MAP4K5: variants seen among roughly 807,000 people sequenced by gnomAD.
MAP4K5 encodes mitogen-activated protein kinase kinase kinase kinase 5.
Under a neutral mutation model 135.6 loss-of-function variants are expected in MAP4K5, and 82 were observed. The observed-to-expected ratio is 0.60, with a 90% CI of 0.51 to 0.73. The LOEUF is 0.73. Ranked by LOEUF, MAP4K5 falls within the 30% of genes least tolerant of loss-of-function variation. MAP4K5 has a pLI of 0.00. For missense variants in MAP4K5, 907 were observed against 1,010.9 expected (o/e 0.90, Z 1.39); for synonymous variants, 347 against 335.0 (o/e 1.04, Z -0.39).
intron 21 of MAP4K5, among the ~76,000 whole-genome samples, 167 bp from the exon 22 acceptor site, chr14:50,440,608 CTTTCT>C (rs2036205363): frequency 6.6e-6 from 1 of 151,996 alleles, no homozygotes; most frequent in South Asian, 2.1e-4. Context: ...TCCCCAATTC[CTTTCT>C]TATTTTTTAA....
chr14:50,525,707 C>T (rs746022728), intron 2 of MAP4K5, among the ~76,000 whole-genome samples: 17 of 152,024 alleles, frequency 1.1e-4, no homozygotes, highest in Admixed American at 2.0e-4. Context: ...ATTAACTGGG[C>T]ATGGCAGTGT....
chr14:50,422,915 T>A (rs975605844), intron 32 of MAP4K5, among the ~76,000 whole-genome samples: 8 of 152,210 alleles, frequency 5.3e-5, no homozygotes, highest in Admixed American at 3.9e-4. Flanking sequence ...TAACTGTCTC[T>A]AGAATAACAA....
intron 15 of MAP4K5, 78 bp downstream of exon 15, chr14:50,448,696 T>C (rs2036413862): frequency 1.3e-6 from 1 of 768,738 alleles, no homozygotes; most frequent in South Asian, 1.8e-5. Flanking sequence ...CTTTGTTTTC[T>C]AATCAAAGTA....
chr14:50,499,244 A>T (rs1222176327), intron 3 of MAP4K5, among the ~76,000 whole-genome samples: 1 of 152,224 alleles, frequency 6.6e-6, no homozygotes, highest in Non-Finnish European at 1.5e-5. Context: ...AAAAGAGTAC[A>T]GGAAAATTAA....
At chr14:50,554,200 A>G (rs535379794) in intron 1 of MAP4K5, among the ~76,000 whole-genome samples, 11 of 152,286 alleles carry the variant, frequency 7.2e-5, no homozygotes, top group African/African-American at 2.4e-4. Flanking sequence ...CAGTGTCACA[A>G]ATGTTTTAAA....
In MAP4K5 at chr14:50,531,945, A is replaced by G. The variant is rs775654852; in HGVS notation, c.105T>C (p.Tyr35=). ...AAGCACGGCCAGCCTCACTTACCTTATAGACGTCCCCGTAGGTGCCGCTGC... is the reference window on the plus strand; with the variant it reads ...AAGCACGGCCAGCCTCACTTACCTTGTAGACGTCCCCGTAGGTGCCGCTGC... ...RVGSGTYGDV[Y]KARNVHTGEL... The change falls in exon 2 of 33, where the codon TAT becomes TAC. Residue 35 remains tyrosine, a synonymous_variant. Transcript: ENST00000682126. 1 of 1,594,176 alleles carries G rather than the reference A, an allele frequency of 6.3e-7. No individual in the cohort carries two copies. Among genetic ancestry groups the G allele is most frequent in the Non-Finnish European group, 8.6e-7 (1 of 1,169,512 alleles).
chr14:50,434,413 C>A lies in MAP4K5; in HGVS notation c.2145G>T (p.Trp715Cys). 6.2e-7 allele frequency: 1 copy of A among 1,606,582 alleles called. No individual in the cohort carries two copies. Among genetic ancestry groups the A allele is most frequent in the South Asian group, 1.1e-5 (1 of 89,284 alleles). ...ACTTACCTGCACCAATTTCTGTAAACCATGAAGATGCAGAGTTCAAATTGA... is the reference window on the plus strand; with the variant it reads ...ACTTACCTGCACCAATTTCTGTAAAACATGAAGATGCAGAGTTCAAATTGA... ...ETINLNSASS[W>C]FTEIGAGSQQ... The change falls in exon 28 of 33, where the codon TGG becomes TGT. Residue 715 changes from tryptophan (W) to cysteine (C), a missense_variant. This residue lies in a region of MAP4K5 where 690 missense variants were observed against 777.4 expected (regional missense o/e 0.89). Transcript: ENST00000682126.
intron 2 of MAP4K5, among the ~76,000 whole-genome samples, chr14:50,541,787 G>A (rs549397184): frequency 1.5e-3 from 226 of 151,984 alleles, no homozygotes; most frequent in Non-Finnish European, 2.8e-3. Context: ...TAGGGAGGCC[G>A]AGGCAGGAGG....
At chr14:50,509,673 T>TAAAA (rs58110395) in intron 2 of MAP4K5, among the ~76,000 whole-genome samples, 2 of 144,646 alleles carry the variant, frequency 1.4e-5, no homozygotes, top group Non-Finnish European at 3.0e-5. Context: ...GAACTGGAAT[T>TAAAA]AAAAAAAAAA....
chr14:50,466,041 T>G (rs1173612144), intron 11 of MAP4K5, among the ~76,000 whole-genome samples: 3 of 152,010 alleles, frequency 2.0e-5, no homozygotes, highest in African/African-American at 7.3e-5. Flanking sequence ...GCCACTGTAC[T>G]ACAGCCTGGC....
intron 3 of MAP4K5, among the ~76,000 whole-genome samples, chr14:50,495,306 T>A (rs2037569213): frequency 6.6e-6 from 1 of 152,068 alleles, no homozygotes; most frequent in African/African-American, 2.4e-5. Flanking sequence ...AAACAGCCAA[T>A]AAGCACATAA....
chr14:50,466,399 A>C (rs2036835090), intron 11 of MAP4K5, among the ~76,000 whole-genome samples, 184 bp downstream of exon 11: 1 of 151,492 alleles, frequency 6.6e-6, no homozygotes, highest in Non-Finnish European at 1.5e-5. Context: ...AAAAAAAAAA[A>C]AAAAAACTAC....
chr14:50,506,228 T>A (rs2037806967), intron 2 of MAP4K5, among the ~76,000 whole-genome samples: 1 of 152,124 alleles, frequency 6.6e-6, no homozygotes, highest in African/African-American at 2.4e-5. Flanking sequence ...AATGATAAAG[T>A]AGGGAAGAGT....
chr14:50,481,068 T>G (rs190064853), intron 6 of MAP4K5, among the ~76,000 whole-genome samples: 1 of 151,762 alleles, frequency 6.6e-6, no homozygotes. Flanking sequence ...CTTTGTTTTT[T>G]TTTTTTATTT....
At chr14:50,451,775 T>TA (rs933723539) in intron 14 of MAP4K5, among the ~76,000 whole-genome samples, 5 of 151,906 alleles carry the variant, frequency 3.3e-5, no homozygotes, top group African/African-American at 1.2e-4. Flanking sequence ...TACCAATGGT[T>TA]AAAAAAAAAC....
chr14:50,503,826 A>T (rs1394812802), intron 3 of MAP4K5, among the ~76,000 whole-genome samples: 1 of 152,062 alleles, frequency 6.6e-6, no homozygotes, highest in Non-Finnish European at 1.5e-5. Context: ...CCATCCTTGA[A>T]CATAATTTGA....
intron 10 of MAP4K5, among the ~76,000 whole-genome samples, chr14:50,467,514 C>T (rs1002699595): frequency 3.3e-5 from 5 of 151,776 alleles, no homozygotes; most frequent in African/African-American, 1.2e-4. Context: ...ATCAATTTTC[C>T]ATTTTGCTTT....
chr14:50,507,957 C>T (rs1392704945), intron 2 of MAP4K5, among the ~76,000 whole-genome samples: 4 of 152,154 alleles, frequency 2.6e-5, no homozygotes, highest in Non-Finnish European at 1.5e-5. Context: ...GTGTTAAAGT[C>T]TCCCATTATT....
chr14:50,529,604 G>A (rs1196254038), intron 2 of MAP4K5, among the ~76,000 whole-genome samples: 1 of 152,008 alleles, frequency 6.6e-6, no homozygotes, highest in Non-Finnish European at 1.5e-5. Flanking sequence ...CCATCATGGA[G>A]TATTTTAGTG....
Sources: allele counts gnomAD v4.1 joint callset (sites outside exome capture counted in the v4.1 genomes callset), GRCh38; gene constraint gnomAD v4.1.1; regional missense constraint gnomAD v4.1.1; transcripts MANE v1.5; gene names NCBI Gene and HGNC (gene_info 2026-07-23, HGNC 2026-07-21).